The following TMEM71 variants were observed in gnomAD, a reference collection of about 807,000 sequenced individuals.
The protein encoded by TMEM71 is transmembrane protein 71.
Under a neutral mutation model 38.0 loss-of-function variants are expected in TMEM71, and 44 were observed. The ratio of observed to expected loss-of-function variants is 1.16; its 90% confidence interval spans 0.91 to 1.49. The LOEUF is 1.49. TMEM71 is among the 40% of genes most tolerant of loss of function. The probability of loss-of-function intolerance (pLI) is 0.00; values close to 1 mark genes in which losing one functional copy is unlikely to be tolerated. For synonymous variants in TMEM71, 133 were observed against 122.5 expected (o/e 1.09, Z -0.56); for missense variants, 367 against 348.6 (o/e 1.05, Z -0.42).
At chr8:132,774,825 C>T in the TMEM71 span, among the ~76,000 whole-genome samples, 4 of 152,188 alleles carry the variant, frequency 2.6e-5, no homozygotes, top group African/African-American at 7.2e-5. Flanking sequence ...CCTGAGCACG[C>T]GCGTACACAC....
At chr8:132,732,306 T>A (rs1827502781) in intron 5 of TMEM71, among the ~76,000 whole-genome samples, 1 of 151,994 alleles carries the variant, frequency 6.6e-6, no homozygotes. Flanking sequence ...GAGTAACAGT[T>A]CTTCCAGAGA....
chr8:132,717,865 A>T lies in TMEM71; in HGVS notation c.753-3650T>A, dbSNP rs186643968. ...CAAATGCCCATCAACTGACGAATGG[A>T]TAAACAAAATGCAGTATATCTATGC... On this transcript the variant is annotated intron_variant, in intron 7 of 9. Transcript: ENST00000677595. Among the ~76,000 whole-genome samples the T allele has an allele frequency of 9.1e-4, 138 of 152,336 alleles. 1 individual carries two copies. The Middle Eastern group carries it at 0.01, about 11-fold the overall frequency.
At chr8:132,709,840 A>C (rs1826153355), downstream of TMEM71, 1 of 152,128 alleles carries the variant, frequency 6.6e-6, no homozygotes, top group Admixed American at 6.5e-5. Flanking sequence ...TAATTTGTTA[A>C]GGCAGCAATA....
intron 5 of TMEM71, among the ~76,000 whole-genome samples, chr8:132,744,782 C>T (rs1828242711): frequency 6.6e-6 from 1 of 152,118 alleles, no homozygotes; most frequent in Admixed American, 6.6e-5. Flanking sequence ...TCAAAATATA[C>T]CATAAGGCAA....
chr8:132,760,898 C>T (rs1829279979), upstream of TMEM71, among the ~76,000 whole-genome samples: 1 of 152,182 alleles, frequency 6.6e-6, no homozygotes, highest in Non-Finnish European at 1.5e-5. Flanking sequence ...CATCATATGG[C>T]CACATTCAGT....
At chr8:132,727,678 C>A (rs1827222331) in intron 6 of TMEM71, 120 bp downstream of exon 6, 5 of 832,540 alleles carry the variant, frequency 6.0e-6, no homozygotes, top group Non-Finnish European at 9.2e-6. Flanking sequence ...CCATGTCCTC[C>A]CTTCCTCGCA....
At chr8:132,774,900 T>C in the TMEM71 span, among the ~76,000 whole-genome samples, 11 of 152,226 alleles carry the variant, frequency 7.2e-5, no homozygotes, top group African/African-American at 2.7e-4. Context: ...ACAATTGTAA[T>C]ACAGTTGTAC....
At chr8:132,748,194 A>G (rs1828499687) in intron 4 of TMEM71, among the ~76,000 whole-genome samples, 1 of 152,240 alleles carries the variant, frequency 6.6e-6, no homozygotes, top group South Asian at 2.1e-4. Flanking sequence ...CTCTTTAGCT[A>G]TAGCTGCTAT....
At chr8:132,726,303 C>T (rs1827138518) in intron 6 of TMEM71, among the ~76,000 whole-genome samples, 3 of 151,768 alleles carry the variant, frequency 2.0e-5, no homozygotes, top group Admixed American at 6.6e-5. Flanking sequence ...CTAGTAGCTG[C>T]ACTAGGAACA....
intron 4 of TMEM71, among the ~76,000 whole-genome samples, chr8:132,751,011 C>T (rs900853254): frequency 6.6e-6 from 1 of 152,076 alleles, no homozygotes. Flanking sequence ...TCCCATTGTA[C>T]TCACTCTCTA....
At chr8:132,770,623 A>T in the TMEM71 span, among the ~76,000 whole-genome samples, 1 of 152,146 alleles carries the variant, frequency 6.6e-6, no homozygotes, top group African/African-American at 2.4e-5. Flanking sequence ...AGATGTTATA[A>T]TTTTTCACTG....
upstream of TMEM71, among the ~76,000 whole-genome samples, chr8:132,760,932 C>T (rs536256324): frequency 3.2e-4 from 48 of 152,312 alleles, no homozygotes; most frequent in Admixed American, 5.9e-4. Context: ...GAGTAGTGAT[C>T]TTTGTCCAAA....
chr8:132,751,993 T>A lies in TMEM71; in HGVS notation c.106A>T (p.Thr36Ser). 1 of 1,613,858 alleles carries A rather than the reference T, an allele frequency of 6.2e-7. No individual in the cohort carries two copies. The highest frequency in any genetic ancestry group is 2.2e-5 in the East Asian group (1 of 44,872). Reference protein sequence around the residue: ...LSPTCIFPSFTCDSLDGYHSF... With the variant: ...LSPTCIFPSFSCDSLDGYHSF... The stretch of plus-strand genomic sequence containing the variant: ...TGGTAACCATCCAGGGAATCACAGG[T>A]GAAACTAAGAAGGAAAAGATAACGC... The change falls in exon 4 of 10, where the codon ACC becomes TCC. Residue 36 changes from threonine (T) to serine (S), a missense_variant. Coordinates refer to ENST00000677595, the MANE Select transcript of TMEM71 (RefSeq NM_001382403.1).
chr8:132,774,946 T>G, the TMEM71 span, among the ~76,000 whole-genome samples: 1 of 152,256 alleles, frequency 6.6e-6, no homozygotes, highest in Admixed American at 6.5e-5. Context: ...TACAGCCTAG[T>G]GTCTATCACA....
chr8:132,728,928 A>C (rs1369599126), intron 5 of TMEM71, among the ~76,000 whole-genome samples: 1 of 152,196 alleles, frequency 6.6e-6, no homozygotes, highest in Non-Finnish European at 1.5e-5. Flanking sequence ...GCCTAGATAA[A>C]ATATAGCAAC....
At chr8:132,760,686 T>C (rs989558958), upstream of TMEM71, 1 of 152,242 alleles carries the variant, frequency 6.6e-6, no homozygotes, top group Non-Finnish European at 1.5e-5. Context: ...CACTTCCTGT[T>C]GGGCTCACAT....
At chr8:132,717,831 G>C (rs1826616417) in intron 7 of TMEM71, among the ~76,000 whole-genome samples, 1 of 152,058 alleles carries the variant, frequency 6.6e-6, no homozygotes. Flanking sequence ...GGTCAAATGG[G>C]GAAAAACTCA....
In TMEM71 at chr8:132,759,016, C is replaced by T. The variant is rs1326152624; in HGVS notation, c.-36-101G>A. The T allele has an allele frequency of 7.0e-6, 5 of 712,072 alleles. No homozygotes were observed. In the African/African-American group the frequency reaches 7.2e-5, roughly 10 times the overall value. 44.1% of individuals were successfully genotyped at this position (712,072 alleles called of 1,614,324 possible). A position where few individuals can be genotyped will look rare whatever the true frequency, so the allele number is the denominator to read the frequency against. On this transcript the variant is annotated intron_variant, in intron 1 of 9. Coordinates refer to ENST00000677595, the MANE Select transcript of TMEM71 (RefSeq NM_001382403.1). ...TAATTGCACTAGTCAGATTTGTTTA[C>T]TGAAATAATACAGAGATACAGAATT...
intron 9 of TMEM71, among the ~76,000 whole-genome samples, chr8:132,713,034 T>C (rs1255605537): frequency 6.6e-6 from 1 of 151,584 alleles, no homozygotes; most frequent in African/African-American, 2.4e-5. Context: ...CTATTTTTCG[T>C]AGGTCTCACT....
Sources: gnomAD v4.1 joint callset for allele counts (sites outside exome capture counted in the v4.1 genomes callset) on GRCh38, gnomAD v4.1.1 for gene constraint, MANE v1.5 for transcripts, NCBI Gene and HGNC (gene_info 2026-07-23, HGNC 2026-07-21) for gene names.